Variants in PPP6R2 observed in about 807,000 individuals in gnomAD.
The protein encoded by PPP6R2 is serine/threonine-protein phosphatase 6 regulatory subunit 2.
PPP6R2 carries 62 observed loss-of-function variants against 100.2 expected under a neutral mutation model. The observed-to-expected ratio is 0.62, with a 90% CI of 0.50 to 0.76. The LOEUF is 0.76. Ranked by LOEUF, PPP6R2 falls within the 30% of genes least tolerant of loss-of-function variation. The pLI, the probability that PPP6R2 is intolerant of heterozygous loss-of-function variation, is 0.00. For synonymous variants in PPP6R2, 525 were observed against 514.7 expected, an observed-to-expected ratio of 1.02 and a Z score of -0.27; for missense variants, 1,142 against 1,276.3, an observed-to-expected ratio of 0.89 and a Z score of 1.60.
At chr22:50,410,737 T>C (rs2059629930) in intron 4 of PPP6R2, among the ~76,000 whole-genome samples, 1 of 152,174 alleles carries the variant, frequency 6.6e-6, no homozygotes, top group Non-Finnish European at 1.5e-5. Flanking sequence ...GATATTATAC[T>C]GGTGTTTTAG....
rs866181366 is a variant in PPP6R2, at chr22:50,424,588, G to C, written c.1125+974G>C. ...GGCTGTGAGATCCCAGTCTGCATCA[G>C]GGAAGCAATTACAAAAGAGACCTAC... On this transcript the variant is annotated intron_variant, in intron 10 of 23. Transcript: ENST00000612753. Among the ~76,000 whole-genome samples the C allele has an allele frequency of 8.6e-5, 13 of 151,308 alleles. No individual in the cohort carries two copies. In the South Asian group the frequency reaches 1.9e-3, roughly 22 times the overall value.
chr22:50,335,119 T>TCGGC, the PPP6R2 span, among the ~76,000 whole-genome samples: 1 of 150,240 alleles, frequency 6.7e-6, no homozygotes, highest in African/African-American at 2.4e-5. Context: ...TGGCGCAATC[T>TCGGC]CGGCTCACCA....
At chr22:50,352,506 G>T (rs912651351) in intron 1 of PPP6R2, among the ~76,000 whole-genome samples, 1 of 151,898 alleles carries the variant, frequency 6.6e-6, no homozygotes, top group African/African-American at 2.4e-5. Flanking sequence ...GAGGCAGGTG[G>T]ATCACGAGGT....
intron 12 of PPP6R2, 131 bp downstream of exon 12, chr22:50,432,460 C>T: frequency 1.2e-6 from 1 of 853,478 alleles, no homozygotes; most frequent in Non-Finnish European, 1.9e-6. Context: ...TGCGACGTGG[C>T]TCCACGTTCT....
upstream of PPP6R2, among the ~76,000 whole-genome samples, chr22:50,339,889 GGGGT>G (rs1601853856): frequency 8.2e-6 from 1 of 121,772 alleles, no homozygotes; most frequent in African/African-American, 3.1e-5. Context: ...GTGTGTGTGT[GGGGT>G]GTGTGGTGTG....
intron 1 of PPP6R2, among the ~76,000 whole-genome samples, chr22:50,358,099 A>G (rs1181291215): frequency 6.6e-6 from 1 of 151,616 alleles, no homozygotes; most frequent in Non-Finnish European, 1.5e-5. Context: ...GGCACAAGCC[A>G]CCACACCTGG....
At chr22:50,365,873 A>T (rs1199996697) in intron 1 of PPP6R2, among the ~76,000 whole-genome samples, 1 of 151,916 alleles carries the variant, frequency 6.6e-6, no homozygotes, top group Non-Finnish European at 1.5e-5. Flanking sequence ...GATTATAGAC[A>T]TGAGCCCCTG....
At chr22:50,428,671 C>T (rs903994005) in intron 10 of PPP6R2, among the ~76,000 whole-genome samples, 5 of 151,852 alleles carry the variant, frequency 3.3e-5, no homozygotes, top group East Asian at 3.9e-4. Flanking sequence ...GCCGAGATCA[C>T]GCCACTGTGT....
chr22:50,413,074 C>T (rs1313475361), intron 4 of PPP6R2, among the ~76,000 whole-genome samples: 1 of 151,728 alleles, frequency 6.6e-6, no homozygotes, highest in Admixed American at 6.6e-5. Flanking sequence ...AATTCTGCCT[C>T]AGCCTCCCGA....
chr22:50,364,116 C>T (rs901012646), intron 1 of PPP6R2, among the ~76,000 whole-genome samples: 1 of 151,958 alleles, frequency 6.6e-6, no homozygotes, highest in Non-Finnish European at 1.5e-5. Context: ...AGGCTGGTCT[C>T]AAACTCCTGA....
intron 2 of PPP6R2, among the ~76,000 whole-genome samples, chr22:50,383,901 T>G (rs2053632417): frequency 6.6e-6 from 1 of 151,918 alleles, no homozygotes; most frequent in South Asian, 2.1e-4. Flanking sequence ...CCAGGCATGA[T>G]GGTGGATGCC....
At chr22:50,399,747 C>T (rs990148791) in intron 3 of PPP6R2, among the ~76,000 whole-genome samples, 2 of 152,268 alleles carry the variant, frequency 1.3e-5, no homozygotes, top group African/African-American at 4.8e-5. Flanking sequence ...TGCAGCTAGC[C>T]CTGCTTCTGC....
Position 50,444,269 on chromosome 22 carries a change from G to GCC in PPP6R2, c.*24_*25dup. On this transcript the variant is annotated 3_prime_UTR_variant, in exon 24 of 24. Coordinates refer to ENST00000612753, the MANE Select transcript of PPP6R2 (RefSeq NM_001242898.2). ...GTGATGCTGCTGCCGCCCGGCCACG[G>GCC]CCCACCCTGGTCAGGCTGCCTCCTT... 1 of 1,611,280 alleles carries GCC rather than the reference G, an allele frequency of 6.2e-7. No individual in the cohort carries two copies. Among genetic ancestry groups the GCC allele is most frequent in the Non-Finnish European group, 8.5e-7 (1 of 1,179,280 alleles).
intron 11 of PPP6R2, 87 bp from the exon 12 acceptor site, chr22:50,432,178 C>A: frequency 7.9e-7 from 1 of 1,271,710 alleles, no homozygotes; most frequent in Non-Finnish European, 1.1e-6. Context: ...TGGCCGCCAG[C>A]CAGCCCTGCC....
In PPP6R2 at chr22:50,436,441, A is replaced by C. The variant is rs1201904151; in HGVS notation, c.1591A>C (p.Thr531Pro). 2 of 1,591,558 alleles carry C rather than the reference A, an allele frequency of 1.3e-6. No homozygotes were observed. The highest frequency in any genetic ancestry group is 1.7e-6 in the Non-Finnish European group (2 of 1,170,452). Reference protein sequence around the residue: ...ETLTETNRRNTVDLVSTHHLH... With the variant: ...ETLTETNRRNPVDLVSTHHLH... ...GCTGACGGAGACGAACCGCAGGAACACTGTGGACCTGGTGAGGAGGCTCGG... is the reference window on the plus strand; with the variant it reads ...GCTGACGGAGACGAACCGCAGGAACCCTGTGGACCTGGTGAGGAGGCTCGG... The change falls in exon 14 of 24, where the codon ACT becomes CCT. Residue 531 changes from threonine to proline, a missense_variant. Coordinates refer to ENST00000612753, the MANE Select transcript of PPP6R2 (RefSeq NM_001242898.2).
At chr22:50,422,228 T>C (rs2061436403) in intron 8 of PPP6R2, 26 bp from the exon 9 acceptor site, 2 of 1,609,382 alleles carry the variant, frequency 1.2e-6, no homozygotes, top group Non-Finnish European at 1.7e-6. Context: ...GTGTCCCCGG[T>C]CTCCATCTGC....
At chr22:50,365,405 A>G (rs1305056538) in intron 1 of PPP6R2, among the ~76,000 whole-genome samples, 1 of 151,332 alleles carries the variant, frequency 6.6e-6, no homozygotes, top group African/African-American at 2.4e-5. Flanking sequence ...TAGGCTGGGC[A>G]TAGTGGCTCA....
chr22:50,442,546 T>C (rs1160156540), intron 22 of PPP6R2, among the ~76,000 whole-genome samples: 1 of 117,132 alleles, frequency 8.5e-6, no homozygotes, highest in African/African-American at 2.8e-5. Flanking sequence ...GTTTAGTCAC[T>C]GAAATTTTTG....
intron 1 of PPP6R2, among the ~76,000 whole-genome samples, chr22:50,355,225 CCTT>C (rs200769909): frequency 1.4e-5 from 2 of 142,236 alleles, no homozygotes; most frequent in African/African-American, 2.7e-5. Context: ...CAGCAAGCAG[CCTT>C]CTTTTTTTTT....
Sources: gnomAD v4.1 joint callset for allele counts (sites outside exome capture counted in the v4.1 genomes callset) on GRCh38, gnomAD v4.1.1 for gene constraint, MANE v1.5 for transcripts, NCBI Gene and HGNC (gene_info 2026-07-23, HGNC 2026-07-21) for gene names.